EPB41L5: variants seen among roughly 807,000 people sequenced by gnomAD.
EPB41L5 encodes the protein band 4.1-like protein 5.
In EPB41L5, 55 loss-of-function variants were observed where a neutral mutation model predicts 106.6. The observed-to-expected ratio is 0.52, with a 90% CI of 0.42 to 0.65. The LOEUF (loss-of-function observed/expected upper bound fraction) is 0.65, where lower values mean the gene tolerates loss of function less well. Ranked by LOEUF, EPB41L5 falls within the 30% of genes least tolerant of loss-of-function variation. EPB41L5 has a pLI of 0.00. For synonymous variants in EPB41L5, 297 were observed against 306.7 expected (o/e 0.97, Z 0.33); for missense variants, 871 against 882.1 (o/e 0.99, Z 0.16).
intron 3 of EPB41L5, among the ~76,000 whole-genome samples, chr2:120,072,697 GCATGTTCTTC>G: frequency 6.6e-6 from 1 of 152,086 alleles, no homozygotes. Flanking sequence ...ACCAAACACT[GCATGTTCTTC>G]CTCATAAGTG....
intron 18 of EPB41L5, among the ~76,000 whole-genome samples, chr2:120,140,351 C>T (rs1686117456): frequency 6.6e-6 from 1 of 151,884 alleles, no homozygotes; most frequent in Admixed American, 6.6e-5. Flanking sequence ...ATGGATACTC[C>T]ATTTACCCTG....
intron 10 of EPB41L5, among the ~76,000 whole-genome samples, chr2:120,084,464 C>G (rs1246653705): frequency 1.3e-5 from 2 of 152,218 alleles, no homozygotes; most frequent in African/African-American, 4.8e-5. Flanking sequence ...CTAGTCTCTT[C>G]TGGCTTGTAG....
chr2:120,167,471 T>C lies in EPB41L5; in HGVS notation c.1968T>C (p.Ser656=). The C allele has an allele frequency of 1.9e-6, 3 of 1,613,490 alleles. No homozygotes were observed. The highest frequency in any genetic ancestry group is 2.5e-6 in the Non-Finnish European group (3 of 1,179,470). Reference sequence around the variant, plus strand: ...TACATATAAAATTATTTCAGGTGTCTTCCACATCCATGATCACACCCCGGT... The same window carrying C: ...TACATATAAAATTATTTCAGGTGTCCTCCACATCCATGATCACACCCCGGT... ...LIDHTVAPQV[S]STSMITPRWI... is the part of the protein sequence containing the mutation. The change falls in exon 23 of 25, where the codon TCT becomes TCC. Residue 656 remains serine (S), a synonymous_variant. Coordinates refer to ENST00000263713, the MANE Select transcript of EPB41L5 (RefSeq NM_020909.4).
At chr2:120,120,412 A>G (rs1170780231) in intron 16 of EPB41L5, among the ~76,000 whole-genome samples, 1 of 145,092 alleles carries the variant, frequency 6.9e-6, no homozygotes, top group Non-Finnish European at 1.5e-5. Flanking sequence ...AGCCTGGGTG[A>G]CAGAGCGACA....
At chr2:120,122,518 C>T (rs991136400) in intron 16 of EPB41L5, among the ~76,000 whole-genome samples, 1 of 152,154 alleles carries the variant, frequency 6.6e-6, no homozygotes, top group African/African-American at 2.4e-5. Context: ...GGCCTCTGTT[C>T]TGTTCCATTG....
chr2:120,140,608 C>T (rs938363226), intron 18 of EPB41L5, among the ~76,000 whole-genome samples: 8 of 151,950 alleles, frequency 5.3e-5, no homozygotes, highest in Admixed American at 3.3e-4. Flanking sequence ...ACTTTTTGAG[C>T]ACTGATGTGA....
At chr2:120,064,317 TCTA>T (rs1343189802) in intron 3 of EPB41L5, among the ~76,000 whole-genome samples, 1 of 152,266 alleles carries the variant, frequency 6.6e-6, no homozygotes, top group Non-Finnish European at 1.5e-5. Flanking sequence ...TTAACATTTC[TCTA>T]CTATAAGCTC....
chr2:120,146,891 G>T (rs143011920), intron 20 of EPB41L5, among the ~76,000 whole-genome samples: 12 of 152,114 alleles, frequency 7.9e-5, no homozygotes, highest in African/African-American at 2.9e-4. Context: ...TTCAGTCAAG[G>T]AATATGATTG....
chr2:120,047,972 GGCA>G (rs1679926672), intron 3 of EPB41L5, among the ~76,000 whole-genome samples: 1 of 151,278 alleles, frequency 6.6e-6, no homozygotes, highest in Non-Finnish European at 1.5e-5. Flanking sequence ...TTTATTGATT[GGCA>G]TATGTTGAAC....
At chr2:120,070,577 G>A (rs1355699249) in intron 3 of EPB41L5, among the ~76,000 whole-genome samples, 1 of 152,106 alleles carries the variant, frequency 6.6e-6, no homozygotes, top group African/African-American at 2.4e-5. Context: ...ACATCAATGC[G>A]AAAATCCTCA....
chr2:120,165,577 T>G (rs2105552422), intron 22 of EPB41L5, among the ~76,000 whole-genome samples: 1 of 152,296 alleles, frequency 6.6e-6, no homozygotes, highest in Middle Eastern at 3.4e-3. Context: ...CCTCCAAATA[T>G]TTTCGATTTA....
chr2:120,123,029 T>C (rs542327994), intron 16 of EPB41L5, among the ~76,000 whole-genome samples: 1 of 152,350 alleles, frequency 6.6e-6, no homozygotes, highest in Non-Finnish European at 1.5e-5. Context: ...GAGACTTTGC[T>C]GAAGTTGCTT....
chr2:120,096,790 A>G (rs531117667), intron 14 of EPB41L5, among the ~76,000 whole-genome samples: 4 of 152,322 alleles, frequency 2.6e-5, no homozygotes, highest in Admixed American at 2.6e-4. Flanking sequence ...ACTCCATCTC[A>G]AATAATAAAA....
intron 16 of EPB41L5, among the ~76,000 whole-genome samples, chr2:120,102,719 C>CA (rs1553507349): frequency 6.6e-6 from 1 of 152,160 alleles, no homozygotes; most frequent in Non-Finnish European, 1.5e-5. Context: ...AAGTCTTCAG[C>CA]ATTTTTTTGC....
intron 16 of EPB41L5, among the ~76,000 whole-genome samples, chr2:120,108,704 C>T (rs1029743234): frequency 6.6e-6 from 1 of 152,080 alleles, no homozygotes; most frequent in Non-Finnish European, 1.5e-5. Flanking sequence ...TATTACAAAA[C>T]TGTATTTGTA....
chr2:120,172,619 T>C (rs1687725799), intron 24 of EPB41L5, among the ~76,000 whole-genome samples: 1 of 152,210 alleles, frequency 6.6e-6, no homozygotes, highest in Non-Finnish European at 1.5e-5. Context: ...CCATGTAGCC[T>C]TCCTCAGGAA....
intron 16 of EPB41L5, among the ~76,000 whole-genome samples, chr2:120,120,827 T>A (rs1685184171): frequency 1.3e-5 from 2 of 152,150 alleles, no homozygotes; most frequent in Non-Finnish European, 2.9e-5. Flanking sequence ...CAATTAAAAT[T>A]ATTTTAGGCC....
intron 18 of EPB41L5, among the ~76,000 whole-genome samples, chr2:120,135,490 T>C (rs974443041): frequency 2.0e-5 from 3 of 152,068 alleles, no homozygotes; most frequent in Admixed American, 6.6e-5. Context: ...CCTCAAGATA[T>C]TGAATAATCA....
Position 120,177,694 on chromosome 2 carries a change from C to T in EPB41L5, c.*2787C>T, listed in dbSNP as rs1687968959. ...GCTGAACAGAGGAATGATTCTGTTC[C>T]TTGTGTGCTTACTTCCTTAACATTT... On this transcript the variant is annotated 3_prime_UTR_variant, in exon 25 of 25. Coordinates refer to ENST00000263713, the MANE Select transcript of EPB41L5 (RefSeq NM_020909.4). The T allele has an allele frequency of 6.6e-6, 1 of 152,144 alleles. No homozygotes were observed. Among genetic ancestry groups the T allele is most frequent in the African/African-American group, 2.4e-5 (1 of 41,428 alleles). The allele number at this position is 152,144 out of a possible 1,614,324, so 9.4% of individuals were successfully genotyped here. A position where few individuals can be genotyped will look rare whatever the true frequency, so the allele number is the denominator to read the frequency against.
Sources: gnomAD v4.1 joint callset for allele counts (sites outside exome capture counted in the v4.1 genomes callset) on GRCh38, gnomAD v4.1.1 for gene constraint, MANE v1.5 for transcripts, NCBI Gene and HGNC (gene_info 2026-07-23, HGNC 2026-07-21) for gene names.